Variants in ICAM3 observed in about 807,000 individuals in gnomAD.
ICAM3 encodes intercellular adhesion molecule 3, also known as ICAM-3.
Under a neutral mutation model 43.6 loss-of-function variants are expected in ICAM3, and 54 were observed. That is an observed-to-expected ratio of 1.24 (90% CI 0.99 to 1.55). The LOEUF (loss-of-function observed/expected upper bound fraction) is 1.55. Among genes scored for constraint, ICAM3 ranks in the 40% most tolerant of loss-of-function variants. ICAM3 has a pLI of 0.00. For synonymous variants in ICAM3, 306 were observed against 312.6 expected, an observed-to-expected ratio of 0.98 and a Z score of 0.22; for missense variants, 715 against 717.9, an observed-to-expected ratio of 1.00 and a Z score of 0.05.
Position 10,334,471 on chromosome 19 carries a change from C to T in ICAM3, c.1192+57G>A. The T allele has an allele frequency of 3.1e-6, 5 of 1,605,994 alleles. No homozygotes were observed. Among genetic ancestry groups the T allele is most frequent in the Non-Finnish European group, 4.3e-6 (5 of 1,174,626 alleles). Reference sequence around the variant, plus strand: ...CCCGAGGCACAGTGGTGCAGAGGAGCGTCTAATCTTTCCAGGGCAGGGGTG... The same window carrying T: ...CCCGAGGCACAGTGGTGCAGAGGAGTGTCTAATCTTTCCAGGGCAGGGGTG... On this transcript the variant is annotated intron_variant, in intron 5 of 6. Transcript: ENST00000160262. This position sits in a 1 kb window ranked among gnomAD's most constrained non-coding sequence, Gnocchi z 5.5.
At position 10,333,897 on chromosome 19, in the gene ICAM3, G is replaced by T; in HGVS notation, c.1604C>A (p.Pro535Gln). Reference sequence around the variant, plus strand: ...CGGTTCTTCCCCCATTGCTTCTGTCGGCTGCATAGACGTGAGGGGCAGATA... The same window carrying T: ...CGGTTCTTCCCCCATTGCTTCTGTCTGCTGCATAGACGTGAGGGGCAGATA... Reference protein sequence around the residue: ...STYLPLTSMQPTEAMGEEPSR... With the variant: ...STYLPLTSMQQTEAMGEEPSR... Residue 535 changes from proline (P) to glutamine (Q), a missense_variant, in exon 7 of 7, where the codon CCG becomes CAG. Coordinates refer to ENST00000160262, the MANE Select transcript of ICAM3 (RefSeq NM_002162.5). The surrounding 1 kb of genome is among the most constrained non-coding windows in gnomAD (Gnocchi z 4.2). The T allele has an allele frequency of 4.3e-6, 7 of 1,614,112 alleles. No individual in the cohort carries two copies. Among genetic ancestry groups the T allele is most frequent in the Non-Finnish European group, 5.9e-6 (7 of 1,180,026 alleles).
chr19:10,336,058 G>T, intron 2 of ICAM3, 82 bp from the exon 3 acceptor site: 1 of 1,310,550 alleles, frequency 7.6e-7, no homozygotes, highest in Non-Finnish European at 1.0e-6. Context: ...GAGACAGGGT[G>T]GTCCTGCCGA....
intron 2 of ICAM3, chr19:10,336,385 A>T (rs2040598560): frequency 5.4e-6 from 1 of 186,912 alleles, no homozygotes; most frequent in Non-Finnish European, 1.1e-5. Flanking sequence ...GTTCTCTCCA[A>T]TCAGGTTCAG....
chr19:10,334,263 C>T lies in ICAM3; in HGVS notation c.1338G>A (p.Val446=). The change falls in exon 6 of 7, where the codon GTG becomes GTA. Residue 446 remains valine (V), a synonymous_variant. Coordinates refer to ENST00000160262, the MANE Select transcript of ICAM3 (RefSeq NM_002162.5). The surrounding 1 kb of genome is among the most constrained non-coding windows in gnomAD (Gnocchi z 5.5). ...TTACGTTGACGAAGAACGGGATCCC[C>T]ACCGGCACCTCCCGGCTGGAGCCTT... ...LKEGSSREVP[V]GIPFFVNVTH... 1.9e-6 allele frequency: 3 copies of T among 1,614,218 alleles called. No homozygotes were observed. Among genetic ancestry groups the T allele is most frequent in the Non-Finnish European group, 1.7e-6 (2 of 1,180,042 alleles).
chr19:10,334,223 A>AAGT lies in ICAM3; in HGVS notation c.1375_1377dup (p.Thr459dup). The stretch of plus-strand genomic sequence containing the variant: ...CGTGAGCTGGACGCTTGGCACTGAT[A>AAGT]AGTACCATTATGTGTTACGTTGACG... On this transcript the variant is annotated inframe_insertion, in exon 6 of 7. Coordinates refer to ENST00000160262, the MANE Select transcript of ICAM3 (RefSeq NM_002162.5). This position sits in a 1 kb window ranked among gnomAD's most constrained non-coding sequence, Gnocchi z 5.5. The AAGT allele has an allele frequency of 1.2e-6, 2 of 1,613,822 alleles. No homozygotes were observed. The highest frequency in any genetic ancestry group is 1.7e-6 in the Non-Finnish European group (2 of 1,179,894).
Position 10,335,727 on chromosome 19 carries a change from G to A in ICAM3, c.593C>T (p.Pro198Leu). The A allele has an allele frequency of 6.2e-7, 1 of 1,611,000 alleles. No homozygotes were observed. Reference sequence around the variant, plus strand: ...GTTCACGAACAGTCCCAGCCCCTGGGGCTGCATGTCCAGTTCTGTGCGGCA... The same window carrying A: ...GTTCACGAACAGTCCCAGCCCCTGGAGCTGCATGTCCAGTTCTGTGCGGCA... ...FSCRTELDMQ[P>L]QGLGLFVNTS... Residue 198 changes from proline (P) to leucine (L), a missense_variant, in exon 3 of 7, where the codon CCC becomes CTC. Coordinates refer to ENST00000160262, the MANE Select transcript of ICAM3 (RefSeq NM_002162.5).
rs751965579 is a variant in ICAM3, at chr19:10,334,299, C to G, written c.1302G>C (p.Arg434=). ...QARGNPYPEL[R]CLKEGSSREV... The stretch of plus-strand genomic sequence containing the variant: ...CCCGGCTGGAGCCTTCCTTCAAACA[C>G]CGCAGCTCGGGGTACGGGTTGCCCC... Residue 434 remains arginine, a synonymous_variant, in exon 6 of 7, where the codon CGG becomes CGC. Coordinates refer to ENST00000160262, the MANE Select transcript of ICAM3 (RefSeq NM_002162.5). This position sits in a 1 kb window ranked among gnomAD's most constrained non-coding sequence, Gnocchi z 5.5. 3 of 1,614,102 alleles carry G rather than the reference C, an allele frequency of 1.9e-6. No individual in the cohort carries two copies. Among genetic ancestry groups the G allele is most frequent in the Non-Finnish European group, 2.5e-6 (3 of 1,180,044 alleles).
chr19:10,336,246 G>A (rs2040597564), intron 2 of ICAM3: 2 of 484,210 alleles, frequency 4.1e-6, no homozygotes, highest in South Asian at 3.4e-5. Context: ...AGGATGGAAG[G>A]GATGAACGTT....
chr19:10,339,121 G>A (rs2040630488), intron 1 of ICAM3, 173 bp from the exon 2 acceptor site: 1 of 678,440 alleles, frequency 1.5e-6, no homozygotes, highest in East Asian at 2.7e-5. Flanking sequence ...TCAGAAGGAG[G>A]CCAGAAGAGG....
chr19:10,335,770 G>A lies in ICAM3; in HGVS notation c.550C>T (p.His184Tyr), dbSNP rs1306474325. The change falls in exon 3 of 7, where the codon CAC (histidine) becomes TAC (tyrosine). Residue 184 changes from histidine to tyrosine, a missense_variant. Physicochemically the swap from His to Tyr is moderately conservative, Grantham distance 83. Transcript: ENST00000160262. ...TATVLASRDD[H>Y]GAPFSCRTEL... is the part of the protein sequence containing the mutation. Reference sequence around the variant, plus strand: ...GTGCGGCATGAGAAAGGGGCTCCGTGGTCGTCTCTGCTGGCCAGCACAGTG... The same window carrying A: ...GTGCGGCATGAGAAAGGGGCTCCGTAGTCGTCTCTGCTGGCCAGCACAGTG... 1 of 1,612,442 alleles carries A rather than the reference G, an allele frequency of 6.2e-7. No individual in the cohort carries two copies. The highest frequency in any genetic ancestry group is 8.5e-7 in the Non-Finnish European group (1 of 1,179,770).
At chr19:10,337,501 T>C (rs987270101) in intron 2 of ICAM3, among the ~76,000 whole-genome samples, 5 of 150,218 alleles carry the variant, frequency 3.3e-5, no homozygotes, top group Non-Finnish European at 7.4e-5. Context: ...AGTGGGAGGA[T>C]TGCCTGAGCC....
In ICAM3 at chr19:10,335,139, A is replaced by G; in HGVS notation, c.864T>C (p.Gly288=). ...ATATARADQE[G]AREIVCNVTL... ...TCACGTTGCAGACGATCTCCCGGGCACCCTCCTGATCCGCGCGCGCCGTGG... is the reference window on the plus strand; with the variant it reads ...TCACGTTGCAGACGATCTCCCGGGCGCCCTCCTGATCCGCGCGCGCCGTGG... Residue 288 remains glycine (G), a synonymous_variant, in exon 4 of 7, where the codon GGT becomes GGC. Coordinates refer to ENST00000160262, the MANE Select transcript of ICAM3 (RefSeq NM_002162.5). 1.2e-6 allele frequency: 2 copies of G among 1,613,238 alleles called. No individual in the cohort carries two copies. Among genetic ancestry groups the G allele is most frequent in the Non-Finnish European group, 1.7e-6 (2 of 1,179,900 alleles).
rs966552136 is a variant in ICAM3 at position 10,334,238 on chromosome 19, T to C, written c.1363A>G (p.Thr455Ala). 25 of 1,614,152 alleles carry C rather than the reference T, an allele frequency of 1.5e-5. No homozygotes were observed. Among genetic ancestry groups the C allele is most frequent in the Non-Finnish European group, 2.0e-5 (24 of 1,180,026 alleles). Residue 455 changes from threonine (T) to alanine (A), a missense_variant, in exon 6 of 7, where the codon ACA (threonine) becomes GCA (alanine). Thr to Ala is a moderately conservative substitution (Grantham distance 58, BLOSUM62 0). Transcript: ENST00000160262. The surrounding 1 kb of genome is among the most constrained non-coding windows in gnomAD (Gnocchi z 5.5). ...PVGIPFFVNV[T>A]HNGTYQCQAS... Reference sequence around the variant, plus strand: ...TGGCACTGATAAGTACCATTATGTGTTACGTTGACGAAGAACGGGATCCCC... The same window carrying C: ...TGGCACTGATAAGTACCATTATGTGCTACGTTGACGAAGAACGGGATCCCC...
Position 10,335,361 on chromosome 19 carries a change from GA to G in ICAM3, c.650-9del. ...GGGGGGTCACGGGCAGGACTGGGGA[GA>G]AAGGTGGGCATAGTACAACCCCCAG... On this transcript the variant is annotated splice_polypyrimidine_tract_variant and intron_variant, in intron 3 of 6. Transcript: ENST00000160262. 1 of 1,591,254 alleles carries G rather than the reference GA, an allele frequency of 6.3e-7. No individual in the cohort carries two copies.
intron 2 of ICAM3, among the ~76,000 whole-genome samples, chr19:10,337,967 G>A (rs2040616125): frequency 6.6e-6 from 1 of 151,974 alleles, no homozygotes. Context: ...TGATGTGGGC[G>A]GAACACCCCG....
In ICAM3 at chr19:10,334,126, AC is replaced by A. The variant is rs776925629; in HGVS notation, c.1441+33del. The A allele has an allele frequency of 1.2e-6, 2 of 1,603,198 alleles. No individual in the cohort carries two copies. The highest frequency in any genetic ancestry group is 1.7e-6 in the Non-Finnish European group (2 of 1,171,182). On this transcript the variant is annotated intron_variant, in intron 6 of 6. Transcript: ENST00000160262. This position sits in a 1 kb window ranked among gnomAD's most constrained non-coding sequence, Gnocchi z 5.5. ...CTCCAACCCCCCCGCCCCCCGGCTT[AC>A]CGGTCCAGACCCGCAGCCCCGTGTT...
chr19:10,336,080 T>C, intron 2 of ICAM3, 104 bp from the exon 3 acceptor site: 6 of 1,068,094 alleles, frequency 5.6e-6, no homozygotes, highest in Non-Finnish European at 7.9e-6. Context: ...AACTGTGAGC[T>C]TTGAGTTAAT....
At position 10,335,278 on chromosome 19, in the gene ICAM3, G is replaced by A; in HGVS notation, c.725C>T (p.Thr242Ile). ...EVETSWPVDCTLDGLFPASEA... is the reference protein window; with the variant it reads ...EVETSWPVDCILDGLFPASEA... ...TGAGGCTGGAAAAAGCCCGTCTAGG[G>A]TGCAGTCCACCGGCCACGACGTTTC... is the stretch of plus-strand genomic sequence containing the variant. Residue 242 changes from threonine to isoleucine, a missense_variant, in exon 4 of 7, where the codon ACC becomes ATC. Physicochemically the swap from Thr to Ile is moderately conservative, Grantham distance 89. Coordinates refer to ENST00000160262, the MANE Select transcript of ICAM3 (RefSeq NM_002162.5). 6.2e-7 allele frequency: 1 copy of A among 1,613,298 alleles called. No individual in the cohort carries two copies. Among genetic ancestry groups the A allele is most frequent in the African/African-American group, 1.3e-5 (1 of 75,034 alleles).
intron 2 of ICAM3, 76 bp downstream of exon 2, chr19:10,338,606 C>G: frequency 1.4e-6 from 2 of 1,415,744 alleles, no homozygotes; most frequent in Non-Finnish European, 2.0e-6. Context: ...CTGAGGGTCC[C>G]CACTCTCCTG....
Sources: gnomAD v4.1 joint callset for allele counts (sites outside exome capture counted in the v4.1 genomes callset) on GRCh38, gnomAD v4.1.1 for gene constraint, Gnocchi (gnomAD v3.1) non-coding constraint, MANE v1.5 for transcripts, NCBI Gene and HGNC (gene_info 2026-07-23, HGNC 2026-07-21) for gene names.